The following HMG20A variants were observed in gnomAD, a reference collection of about 807,000 sequenced individuals.
HMG20A encodes high mobility group protein 20A.
In HMG20A, 17 loss-of-function variants were observed where a neutral mutation model predicts 43.9. The ratio of observed to expected loss-of-function variants is 0.39; its 90% CI spans 0.27 to 0.58. HMG20A has a LOEUF of 0.58. Among genes scored for constraint, HMG20A ranks in the 20% least tolerant of loss-of-function variants. The pLI is 0.59. For missense variants in HMG20A, 341 were observed against 438.2 expected, an observed-to-expected ratio of 0.78 and a Z score of 1.98; for synonymous variants, 132 against 147.5, an observed-to-expected ratio of 0.89 and a Z score of 0.76.
At chr15:77,501,883 G>A in the HMG20A span, among the ~76,000 whole-genome samples, 1 of 152,262 alleles carries the variant, frequency 6.6e-6, no homozygotes, top group Non-Finnish European at 1.5e-5. Context: ...TCCTACCTCT[G>A]ACTTAACCTT....
At chr15:77,444,483 G>T (rs1031198666) in intron 1 of HMG20A, among the ~76,000 whole-genome samples, 19 of 152,144 alleles carry the variant, frequency 1.2e-4, no homozygotes, top group Non-Finnish European at 2.1e-4. Flanking sequence ...GAAAGTTACA[G>T]CTAATGTAGT....
In HMG20A at chr15:77,485,017, TAG is replaced by T. The variant is rs1269232630; in HGVS notation, c.*2056_*2057del. The T allele has an allele frequency of 3.9e-5, 6 of 152,386 alleles. No individual in the cohort carries two copies. In the South Asian group the frequency reaches 1.2e-3, roughly 32 times the overall value. 9.4% of individuals were successfully genotyped at this position (152,386 alleles called of 1,614,324 possible). On this transcript the variant is annotated 3_prime_UTR_variant, in exon 10 of 10. Coordinates refer to ENST00000336216, the MANE Select transcript of HMG20A (RefSeq NM_001304504.2). ...TCCAGGATCATCATTCTTCTGACTC[TAG>T]ATGGGACACTTGACAGTGACTTGAA...
the HMG20A span, among the ~76,000 whole-genome samples, chr15:77,517,762 G>A: frequency 6.6e-6 from 1 of 151,876 alleles, no homozygotes; most frequent in Non-Finnish European, 1.5e-5. Context: ...TGGGCACTGG[G>A]CTCAGACGAC....
At chr15:77,491,786 G>T in the HMG20A span, among the ~76,000 whole-genome samples, 173 of 152,302 alleles carry the variant, frequency 1.1e-3, no homozygotes, top group African/African-American at 4.1e-3. Flanking sequence ...AATAGACCTA[G>T]AGATAGAAGT....
In HMG20A at chr15:77,434,580, C is replaced by T. The variant is rs182014413; in HGVS notation, c.-5+13576C>T. 7.2e-5 allele frequency among the ~76,000 whole-genome samples: 11 copies of T among 152,146 alleles called. No individual in the cohort carries two copies. The East Asian group carries it at 2.1e-3, about 29-fold the overall frequency. On this transcript the variant is annotated intron_variant, in intron 1 of 9. Transcript: ENST00000336216. ...AAAGGACAAAATACTTCAATAGGCA[C>T]TCCACAAAAGAAACTATCCAAAGGC... is the stretch of plus-strand genomic sequence containing the variant.
chr15:77,509,795 T>C, the HMG20A span, among the ~76,000 whole-genome samples: 2 of 151,374 alleles, frequency 1.3e-5, no homozygotes, highest in African/African-American at 4.9e-5. Flanking sequence ...TAATCCCAGC[T>C]ACCTGGGAGG....
At chr15:77,427,784 A>G (rs2073441718) in intron 1 of HMG20A, among the ~76,000 whole-genome samples, 1 of 152,240 alleles carries the variant, frequency 6.6e-6, no homozygotes, top group African/African-American at 2.4e-5. Context: ...ACACTGAGCC[A>G]TAATTCCAAT....
At chr15:77,478,823 T>C (rs1047183097) in intron 8 of HMG20A, among the ~76,000 whole-genome samples, 2 of 152,240 alleles carry the variant, frequency 1.3e-5, no homozygotes. Context: ...TTTCTTCTTA[T>C]GTATGTTTGT....
chr15:77,450,325 C>A (rs1420139972), intron 1 of HMG20A, among the ~76,000 whole-genome samples: 1 of 152,032 alleles, frequency 6.6e-6, no homozygotes, highest in East Asian at 1.9e-4. Context: ...TTTGCATACA[C>A]ATAATGAGAT....
At chr15:77,431,672 CTT>C (rs1356896902) in intron 1 of HMG20A, among the ~76,000 whole-genome samples, 1 of 152,144 alleles carries the variant, frequency 6.6e-6, no homozygotes, top group Non-Finnish European at 1.5e-5. Flanking sequence ...CATCTACTCT[CTT>C]AGCAATTTTC....
chr15:77,442,397 G>A (rs1363962651), intron 1 of HMG20A, among the ~76,000 whole-genome samples: 1 of 152,168 alleles, frequency 6.6e-6, no homozygotes, highest in African/African-American at 2.4e-5. Flanking sequence ...AACTGAATCT[G>A]TGCTGTGTGT....
At chr15:77,514,218 C>T in the HMG20A span, among the ~76,000 whole-genome samples, 1 of 152,190 alleles carries the variant, frequency 6.6e-6, no homozygotes, top group Non-Finnish European at 1.5e-5. Context: ...GAAGATTCCA[C>T]AGCAGACAGC....
chr15:77,471,515 G>A (rs2072808250), intron 5 of HMG20A, among the ~76,000 whole-genome samples: 1 of 152,170 alleles, frequency 6.6e-6, no homozygotes, highest in East Asian at 1.9e-4. Flanking sequence ...TCTTTGGTTT[G>A]TGTCTTCTGT....
intron 6 of HMG20A, among the ~76,000 whole-genome samples, chr15:77,474,111 G>C (rs1456740111): frequency 1.3e-5 from 2 of 152,100 alleles, no homozygotes; most frequent in Non-Finnish European, 2.9e-5. Context: ...ATAGCACTAT[G>C]GGTGAAAAGC....
chr15:77,487,539 C>T (rs571395219), downstream of HMG20A, among the ~76,000 whole-genome samples: 3 of 152,290 alleles, frequency 2.0e-5, no homozygotes, highest in Non-Finnish European at 4.4e-5. Context: ...CTAGCTCTTC[C>T]CCTACCCTAC....
intron 1 of HMG20A, among the ~76,000 whole-genome samples, chr15:77,422,309 G>C (rs1251878011): frequency 6.6e-6 from 1 of 152,126 alleles, no homozygotes; most frequent in African/African-American, 2.4e-5. Flanking sequence ...CAGACTCTGC[G>C]ATTATTTTAA....
At chr15:77,422,913 A>G (rs2073386199) in intron 1 of HMG20A, among the ~76,000 whole-genome samples, 1 of 152,214 alleles carries the variant, frequency 6.6e-6, no homozygotes, top group Non-Finnish European at 1.5e-5. Context: ...ACTATCTTCT[A>G]TATTAATGTA....
At chr15:77,471,671 A>C (rs1364444814) in intron 5 of HMG20A, 112 bp from the exon 6 acceptor site, 1 of 703,880 alleles carries the variant, frequency 1.4e-6, no homozygotes, top group Non-Finnish European at 2.5e-6. Context: ...ATCATATGTT[A>C]TGAGAATCTA....
At chr15:77,519,685 C>T in the HMG20A span, among the ~76,000 whole-genome samples, 2 of 152,152 alleles carry the variant, frequency 1.3e-5, no homozygotes, top group East Asian at 3.9e-4. Context: ...TCCCAGCTTT[C>T]AGAACTGCAA....
Sources: allele counts gnomAD v4.1 joint callset (sites outside exome capture counted in the v4.1 genomes callset), GRCh38; gene constraint gnomAD v4.1.1; transcripts MANE v1.5; gene names NCBI Gene and HGNC (gene_info 2026-07-23, HGNC 2026-07-21).